Variants in BMPER observed in about 807,000 individuals in gnomAD.
The protein encoded by BMPER is BMP-binding endothelial regulator protein.
In BMPER, 45 loss-of-function variants were observed where a neutral mutation model predicts 87.3. The observed-to-expected ratio is 0.52, with a 90% CI of 0.41 to 0.66. BMPER has a LOEUF of 0.66. Ranked by LOEUF, BMPER falls within the 30% of genes least tolerant of loss-of-function variation. The pLI is 0.00. For synonymous variants in BMPER, 326 were observed against 316.2 expected, an observed-to-expected ratio of 1.03 and a Z score of -0.33; for missense variants, 784 against 867.5, an observed-to-expected ratio of 0.90 and a Z score of 1.21.
intron 3 of BMPER, among the ~76,000 whole-genome samples, chr7:33,938,754 G>A (rs1370135223): frequency 3.9e-5 from 6 of 152,202 alleles, no homozygotes; most frequent in Non-Finnish European, 7.3e-5. Context: ...GGTTGGGCAT[G>A]GTGGCTCACA....
At chr7:34,121,483 A>C (rs1298086755) in intron 13 of BMPER, among the ~76,000 whole-genome samples, 1 of 152,194 alleles carries the variant, frequency 6.6e-6, no homozygotes, top group Non-Finnish European at 1.5e-5. Flanking sequence ...TTAAAAAGTG[A>C]CTTGAGTTTT....
At chr7:34,052,726 A>C (rs910732995) in intron 8 of BMPER, among the ~76,000 whole-genome samples, 1 of 151,362 alleles carries the variant, frequency 6.6e-6, no homozygotes, top group African/African-American at 2.4e-5. Flanking sequence ...GAAAGAGGGG[A>C]GCTCTACTCA....
chr7:33,996,588 C>T (rs1786417313), intron 6 of BMPER, among the ~76,000 whole-genome samples: 1 of 152,100 alleles, frequency 6.6e-6, no homozygotes, highest in South Asian at 2.1e-4. Flanking sequence ...TTATTTAATA[C>T]CTGTTTATGA....
chr7:34,102,636 T>C (rs1258821462), intron 13 of BMPER, among the ~76,000 whole-genome samples: 1 of 152,132 alleles, frequency 6.6e-6, no homozygotes, highest in Admixed American at 6.5e-5. Context: ...AATGGATATT[T>C]CCCTTTCTCC....
chr7:33,929,172 G>C (rs1206351195), intron 2 of BMPER, among the ~76,000 whole-genome samples: 1 of 152,110 alleles, frequency 6.6e-6, no homozygotes, highest in African/African-American at 2.4e-5. Flanking sequence ...GGGTCTCTGG[G>C]GTAAAGACTC....
At chr7:34,018,492 C>A (rs78153569) in intron 6 of BMPER, among the ~76,000 whole-genome samples, 1 of 151,996 alleles carries the variant, frequency 6.6e-6, no homozygotes, top group South Asian at 2.1e-4. Flanking sequence ...TGAATCTTAT[C>A]GTCACCTTCA....
chr7:34,136,151 A>G (rs1790713041), intron 13 of BMPER, among the ~76,000 whole-genome samples: 1 of 152,164 alleles, frequency 6.6e-6, no homozygotes, highest in African/African-American at 2.4e-5. Context: ...AGCCGTGGAC[A>G]GAGCAGCAGG....
chr7:33,986,087 G>A (rs1786004448), intron 6 of BMPER, among the ~76,000 whole-genome samples: 1 of 152,078 alleles, frequency 6.6e-6, no homozygotes, highest in Non-Finnish European at 1.5e-5. Flanking sequence ...TAACTCCTTC[G>A]TTTTGAGATT....
chr7:33,988,568 G>T (rs1379249509), intron 6 of BMPER, among the ~76,000 whole-genome samples: 1 of 151,516 alleles, frequency 6.6e-6, no homozygotes, highest in Non-Finnish European at 1.5e-5. Context: ...ATTTGACCAA[G>T]GTCTAGGAAA....
At chr7:34,097,830 A>C (rs1201018285) in intron 13 of BMPER, among the ~76,000 whole-genome samples, 1 of 152,168 alleles carries the variant, frequency 6.6e-6, no homozygotes, top group African/African-American at 2.4e-5. Flanking sequence ...AACAGGGCTT[A>C]GGTTTCTTCT....
At chr7:34,129,588 G>GAGAGAGAGAGAGAGAA (rs1562761840) in intron 13 of BMPER, among the ~76,000 whole-genome samples, 1 of 123,864 alleles carries the variant, frequency 8.1e-6, no homozygotes, top group African/African-American at 3.3e-5. Flanking sequence ...GAGAGAGAGA[G>GAGAGAGAGAGAGAGAA]AGAGAGAGAG....
At chr7:33,906,973 A>G in intron 2 of BMPER, 70 bp downstream of exon 2, 16 of 1,360,126 alleles carry the variant, frequency 1.2e-5, no homozygotes, top group Middle Eastern at 1.8e-4. Context: ...TAAATGTGAT[A>G]ATATAACCAG....
intron 6 of BMPER, among the ~76,000 whole-genome samples, chr7:33,983,662 C>G (rs1463273834): frequency 6.6e-6 from 1 of 152,112 alleles, no homozygotes; most frequent in African/African-American, 2.4e-5. Context: ...AGAACTGAAG[C>G]CATAAACTGC....
rs570562147 is a variant in BMPER, at chr7:34,034,816, A to G, written c.577-11490A>G. On this transcript the variant is annotated intron_variant, in intron 6 of 14. Transcript: ENST00000649409. ...GATGCCAAGTTATGTTGGTGATAGCATGTTCCTTCTGTCAGGCTCAGTCAG... is the reference window on the plus strand; with the variant it reads ...GATGCCAAGTTATGTTGGTGATAGCGTGTTCCTTCTGTCAGGCTCAGTCAG... 2.6e-5 allele frequency among the ~76,000 whole-genome samples: 4 copies of G among 152,306 alleles called. No individual in the cohort carries two copies. The South Asian group carries it at 6.2e-4, about 24-fold the overall frequency.
intron 2 of BMPER, among the ~76,000 whole-genome samples, chr7:33,924,324 G>A (rs1784305868): frequency 2.0e-5 from 3 of 152,212 alleles, no homozygotes; most frequent in African/African-American, 7.2e-5. Flanking sequence ...CCATTTGAAA[G>A]TATACAAATT....
chr7:33,964,284 G>A (rs2128617182), intron 3 of BMPER, among the ~76,000 whole-genome samples: 1 of 152,232 alleles, frequency 6.6e-6, no homozygotes, highest in Non-Finnish European at 1.5e-5. Context: ...TGGTAGTGAG[G>A]GTAGGTGAAG....
chr7:33,972,462 G>A (rs1242139974), intron 5 of BMPER, among the ~76,000 whole-genome samples: 1 of 152,116 alleles, frequency 6.6e-6, no homozygotes, highest in African/African-American at 2.4e-5. Context: ...TTTTGGTTGA[G>A]TTTCTAGGAA....
chr7:34,061,306 T>C lies in BMPER; in HGVS notation c.1033-696T>C, dbSNP rs142452154. 8.9e-4 allele frequency among the ~76,000 whole-genome samples: 136 copies of C among 152,312 alleles called. 2 individuals carry two copies. The East Asian group carries it at 0.024, about 27-fold the overall frequency. On this transcript the variant is annotated intron_variant, in intron 10 of 14. Coordinates refer to ENST00000649409, the MANE Select transcript of BMPER (RefSeq NM_001365308.1). Reference sequence around the variant, plus strand: ...ATATGAGTCCTGAGAATACGTCACCTCCTTTAAATGTCATGCATTAAAAAA... The same window carrying C: ...ATATGAGTCCTGAGAATACGTCACCCCCTTTAAATGTCATGCATTAAAAAA...
At chr7:33,938,111 A>AT (rs1225207116) in intron 3 of BMPER, among the ~76,000 whole-genome samples, 5 of 151,948 alleles carry the variant, frequency 3.3e-5, no homozygotes, top group Middle Eastern at 3.2e-3. Context: ...CAGTGGTGTG[A>AT]TTTTCCCCCT....
Sources: gnomAD v4.1 joint callset for allele counts (sites outside exome capture counted in the v4.1 genomes callset) on GRCh38, gnomAD v4.1.1 for gene constraint, MANE v1.5 for transcripts, NCBI Gene and HGNC (gene_info 2026-07-23, HGNC 2026-07-21) for gene names.